Variants in PTPRG observed in about 807,000 individuals in gnomAD.
The protein encoded by PTPRG is receptor-type tyrosine-protein phosphatase gamma.
PTPRG carries 102 observed loss-of-function variants against 165.3 expected under a neutral mutation model. The observed-to-expected ratio is 0.62, with a 90% CI of 0.53 to 0.73. The LOEUF is 0.73. PTPRG is among the 30% of genes least tolerant of loss of function. PTPRG has a pLI of 0.00. For missense variants in PTPRG, 1,866 were observed against 1,861.4 expected, an observed-to-expected ratio of 1.00 and a Z score of -0.05; for synonymous variants, 675 against 669.5, an observed-to-expected ratio of 1.01 and a Z score of -0.13.
At chr3:61,637,862 T>TTGA (rs1701958026) in intron 1 of PTPRG, among the ~76,000 whole-genome samples, 1 of 152,120 alleles carries the variant, frequency 6.6e-6, no homozygotes, top group Non-Finnish European at 1.5e-5. Context: ...ACCAAGTGAG[T>TTGA]GATATGTTGA....
intron 1 of PTPRG, among the ~76,000 whole-genome samples, chr3:61,710,520 C>T (rs1463221016): frequency 6.6e-6 from 1 of 152,154 alleles, no homozygotes; most frequent in African/African-American, 2.4e-5. Context: ...GCTTGTCCAA[C>T]CCGTGGCCCA....
intron 2 of PTPRG, among the ~76,000 whole-genome samples, chr3:61,917,156 G>A (rs2038960692): frequency 1.3e-5 from 2 of 152,164 alleles, no homozygotes; most frequent in South Asian, 2.1e-4. Flanking sequence ...ATATGAATCT[G>A]TACGGTGGAG....
intron 1 of PTPRG, among the ~76,000 whole-genome samples, chr3:61,677,493 A>C (rs1428740343): frequency 6.6e-6 from 1 of 152,182 alleles, no homozygotes; most frequent in Non-Finnish European, 1.5e-5. Flanking sequence ...TAACCCTTTC[A>C]GTGGCTTGGA....
chr3:62,158,214 T>A (rs1268757013), intron 7 of PTPRG, among the ~76,000 whole-genome samples: 1 of 152,172 alleles, frequency 6.6e-6, no homozygotes. Context: ...AGTCACCTCA[T>A]GAGGTTTGAA....
intron 1 of PTPRG, among the ~76,000 whole-genome samples, chr3:61,675,263 A>G (rs962796052): frequency 3.9e-5 from 6 of 152,114 alleles, no homozygotes; most frequent in Admixed American, 3.3e-4. Flanking sequence ...CGGAGGATGG[A>G]GGATGTGAGA....
intron 2 of PTPRG, among the ~76,000 whole-genome samples, chr3:61,894,326 AAAAAAAAAG>A: frequency 1.4e-5 from 2 of 141,292 alleles, no homozygotes; most frequent in African/African-American, 5.5e-5. Flanking sequence ...AAAAAAAAAA[AAAAAAAAAG>A]GTCAGCTTTT....
At position 62,282,778 on chromosome 3, in the gene PTPRG, C is replaced by G; in HGVS notation, c.3964C>G (p.Pro1322Ala). The stretch of plus-strand genomic sequence containing the variant: ...CTTTCAGTGTCCCAAATGGCCTAAC[C>G]CAGATGCCCCCATAAGTAGTACCTT... ...RHFQCPKWPNPDAPISSTFEL... is the reference protein window; with the variant it reads ...RHFQCPKWPNADAPISSTFEL... The change falls in exon 28 of 30, where the codon CCA becomes GCA. Residue 1322 changes from proline to alanine, a missense_variant. Around this residue, in one of 3 missense-constraint regions of PTPRG, gnomAD observed 1,452 missense variants for 1,463.0 expected, o/e 0.99. Transcript: ENST00000474889. 1 of 1,612,656 alleles carries G rather than the reference C, an allele frequency of 6.2e-7. No homozygotes were observed. The highest frequency in any genetic ancestry group is 8.5e-7 in the Non-Finnish European group (1 of 1,179,218).
intron 2 of PTPRG, among the ~76,000 whole-genome samples, chr3:61,806,674 G>GAGATGAC (rs368270658): frequency 3.3e-5 from 5 of 152,256 alleles, no homozygotes; most frequent in African/African-American, 1.2e-4. Flanking sequence ...CAAATGAAAG[G>GAGATGAC]AGATGACAGA....
At chr3:61,910,121 A>T (rs1313888748) in intron 2 of PTPRG, among the ~76,000 whole-genome samples, 1 of 152,110 alleles carries the variant, frequency 6.6e-6, no homozygotes, top group Non-Finnish European at 1.5e-5. Flanking sequence ...TTTTAAATCA[A>T]TGCCAATTTT....
rs985738361 is a variant in PTPRG, at chr3:62,061,254, G to T, written c.520-16909G>T. ...AGACTTCCTGGGCAGACTTCTGAGT[G>T]TGTTCACTGTTGTGTATTATAAATT... is the stretch of plus-strand genomic sequence containing the variant. On this transcript the variant is annotated intron_variant, in intron 4 of 29. Coordinates refer to ENST00000474889, the MANE Select transcript of PTPRG (RefSeq NM_002841.4). 2.0e-5 allele frequency among the ~76,000 whole-genome samples: 3 copies of T among 152,232 alleles called. 1 individual carries two copies. In the South Asian group the frequency reaches 6.2e-4, roughly 31 times the overall value.
rs934692320 is a variant in PTPRG, at chr3:62,229,925, A to G, written c.2289-1300A>G. ...ATTCAGAGTAGGGCTAAGGGTTGAGAAAAAGTCTAAATATTTTAGGAAGCT... is the reference window on the plus strand; with the variant it reads ...ATTCAGAGTAGGGCTAAGGGTTGAGGAAAAGTCTAAATATTTTAGGAAGCT... On this transcript the variant is annotated intron_variant, in intron 13 of 29. Transcript: ENST00000474889. This position sits in a 1 kb window ranked among gnomAD's most constrained non-coding sequence, Gnocchi z 4.6. 2.0e-5 allele frequency among the ~76,000 whole-genome samples: 3 copies of G among 152,232 alleles called. No individual in the cohort carries two copies. Among genetic ancestry groups the G allele is most frequent in the African/African-American group, 7.2e-5 (3 of 41,466 alleles).
chr3:61,569,991 C>A (rs576666421), intron 1 of PTPRG, among the ~76,000 whole-genome samples: 2 of 152,114 alleles, frequency 1.3e-5, no homozygotes, highest in African/African-American at 2.4e-5. Flanking sequence ...TAGAAAGAGT[C>A]GCCTAGTCCT....
Position 62,275,885 on chromosome 3 carries a change from T to A in PTPRG, c.3478T>A (p.Cys1160Ser), listed in dbSNP as rs1271080628. Residue 1160 changes from cysteine to serine, a missense_variant, in exon 24 of 30, where the codon TGT becomes AGT. Cys to Ser is a moderately radical substitution (Grantham distance 112, BLOSUM62 -1). Around this residue, in one of 3 missense-constraint regions of PTPRG, gnomAD observed 1,452 missense variants for 1,463.0 expected, o/e 0.99. Transcript: ENST00000474889. ...LEKQFKLVTQ[C>S]NAKYVECFSA... ...TTTTCTTTTTCAGCTGGTCACACAGTGTAATGCAAAATATGTGGAATGTTT... is the reference window on the plus strand; with the variant it reads ...TTTTCTTTTTCAGCTGGTCACACAGAGTAATGCAAAATATGTGGAATGTTT... The A allele has an allele frequency of 6.2e-7, 1 of 1,609,240 alleles. No homozygotes were observed. The highest frequency in any genetic ancestry group is 2.2e-5 in the East Asian group (1 of 44,800).
chr3:61,896,956 T>TTA (rs2038369703), intron 2 of PTPRG, among the ~76,000 whole-genome samples: 1 of 151,994 alleles, frequency 6.6e-6, no homozygotes, highest in Non-Finnish European at 1.5e-5. Flanking sequence ...GTTTTTTTTT[T>TTA]AATATATTCT....
chr3:61,786,201 T>G (rs1428414333), intron 2 of PTPRG, among the ~76,000 whole-genome samples: 1 of 152,094 alleles, frequency 6.6e-6, no homozygotes, highest in African/African-American at 2.4e-5. Flanking sequence ...CCTGTTATGG[T>G]GGTTGTTCAG....
chr3:61,977,043 A>G (rs531380832), intron 2 of PTPRG, among the ~76,000 whole-genome samples: 2 of 152,106 alleles, frequency 1.3e-5, no homozygotes, highest in South Asian at 4.2e-4. Flanking sequence ...ATTATTGCCT[A>G]TCTCCCTAGG....
chr3:62,259,511 G>T (rs939108426), intron 16 of PTPRG, among the ~76,000 whole-genome samples: 2 of 152,238 alleles, frequency 1.3e-5, no homozygotes, highest in Admixed American at 1.3e-4. Flanking sequence ...CCATGGATTG[G>T]ATAAGCTTGC....
At chr3:61,770,999 G>T (rs527544399) in intron 2 of PTPRG, 1 of 152,054 alleles carries the variant, frequency 6.6e-6, no homozygotes, top group Non-Finnish European at 1.5e-5. Context: ...TCTGGCTCTT[G>T]TTTCCCTCCC....
chr3:61,583,403 A>C (rs990283408), intron 1 of PTPRG, among the ~76,000 whole-genome samples: 3 of 152,196 alleles, frequency 2.0e-5, no homozygotes, highest in Non-Finnish European at 2.9e-5. Context: ...GCCCCAGTAC[A>C]TCTATAAGAT....
Sources: allele counts gnomAD v4.1 joint callset (sites outside exome capture counted in the v4.1 genomes callset), GRCh38; gene constraint gnomAD v4.1.1; regional missense constraint gnomAD v4.1.1; non-coding constraint Gnocchi (gnomAD v3.1); transcripts MANE v1.5; gene names NCBI Gene and HGNC (gene_info 2026-07-23, HGNC 2026-07-21).